The following C2CD3 variants were observed in gnomAD, a reference collection of about 807,000 sequenced individuals.
C2CD3 encodes the protein C2 domain-containing protein 3.
Under a neutral mutation model 234.0 loss-of-function variants are expected in C2CD3, and 148 were observed. The observed-to-expected ratio is 0.63, with a 90% CI of 0.55 to 0.72. C2CD3 has a LOEUF of 0.72. Ranked by LOEUF, C2CD3 falls within the 30% of genes least tolerant of loss-of-function variation. C2CD3 has a pLI of 0.00. For missense variants in C2CD3, 2,577 were observed against 2,811.5 expected, an observed-to-expected ratio of 0.92 and a Z score of 1.89; for synonymous variants, 1,000 against 1,035.4, an observed-to-expected ratio of 0.97 and a Z score of 0.66.
At chr11:74,149,062 T>A (rs1351219119) in intron 3 of C2CD3, among the ~76,000 whole-genome samples, 1 of 152,308 alleles carries the variant, frequency 6.6e-6, no homozygotes, top group Non-Finnish European at 1.5e-5. Context: ...ATTCCTGTGG[T>A]ATTTACCTCT....
chr11:74,087,519 G>A (rs1250063439), intron 20 of C2CD3, among the ~76,000 whole-genome samples: 9 of 151,684 alleles, frequency 5.9e-5, no homozygotes, highest in African/African-American at 1.9e-4. Flanking sequence ...AGCTGAGATC[G>A]CACCAGTGCA....
intron 30 of C2CD3, 139 bp downstream of exon 30, chr11:74,037,339 A>G: frequency 1.7e-6 from 1 of 574,742 alleles, no homozygotes. Flanking sequence ...AGATGGTTAA[A>G]AAAAAAAAAA....
rs866242122 is a variant in C2CD3 at position 74,033,727 on chromosome 11, C to T, written c.6433G>A (p.Gly2145Ser). The T allele has an allele frequency of 2.6e-6, 4 of 1,536,248 alleles. No individual in the cohort carries two copies. In the African/African-American group the frequency reaches 5.5e-5, roughly 21 times the overall value. The change falls in exon 31 of 33, where the codon GGT becomes AGT. Residue 2145 changes from glycine to serine, a missense_variant. Coordinates refer to ENST00000334126, the MANE Select transcript of C2CD3 (RefSeq NM_001286577.2). ...RAVNPHLPRQ[G>S]SPSQSLVACE... Reference sequence around the variant, plus strand: ...GCAACAAGACTTTGGCTAGGAGAACCCTGCCTAGGCAGGTGGGGGTTGACA... The same window carrying T: ...GCAACAAGACTTTGGCTAGGAGAACTCTGCCTAGGCAGGTGGGGGTTGACA...
intron 23 of C2CD3, among the ~76,000 whole-genome samples, chr11:74,076,549 T>C (rs181428349): frequency 6.6e-6 from 1 of 152,320 alleles, no homozygotes; most frequent in East Asian, 1.9e-4. Context: ...ATTGTGCTAG[T>C]TTTCCATAAT....
intron 18 of C2CD3, among the ~76,000 whole-genome samples, chr11:74,093,581 C>T (rs182873459): frequency 1.3e-5 from 2 of 152,112 alleles, no homozygotes; most frequent in African/African-American, 4.8e-5. Flanking sequence ...ATAAAACTTT[C>T]ACTTTCAATG....
At chr11:74,053,745 A>G (rs1280990660) in intron 26 of C2CD3, among the ~76,000 whole-genome samples, 1 of 152,360 alleles carries the variant, frequency 6.6e-6, no homozygotes, top group East Asian at 1.9e-4. Context: ...GACAGATACA[A>G]CAGGAAAGAC....
In C2CD3 at chr11:74,114,395, T is replaced by C; in HGVS notation, c.1719A>G (p.Thr573=). Residue 573 remains threonine (T), a synonymous_variant, in exon 10 of 33, where the codon ACA becomes ACG. Coordinates refer to ENST00000334126, the MANE Select transcript of C2CD3 (RefSeq NM_001286577.2). ...SYAGPPPKVT[T]AKKRTFFVEY... is the part of the protein sequence containing the mutation. ...TGTTAGAGACATACCGCTTTTTTGCTGTAGTCACCTTAGGTGGTGGACCAG... is the reference window on the plus strand; with the variant it reads ...TGTTAGAGACATACCGCTTTTTTGCCGTAGTCACCTTAGGTGGTGGACCAG... The C allele has an allele frequency of 6.2e-7, 1 of 1,613,510 alleles. No homozygotes were observed. Among genetic ancestry groups the C allele is most frequent in the Non-Finnish European group, 8.5e-7 (1 of 1,179,564 alleles).
chr11:74,097,421 T>C (rs1319992815), intron 16 of C2CD3, among the ~76,000 whole-genome samples: 2 of 152,210 alleles, frequency 1.3e-5, no homozygotes, highest in Non-Finnish European at 2.9e-5. Flanking sequence ...AAGACCTGTG[T>C]CTGAATCCCA....
At chr11:74,109,347 A>G (rs1396443258) in intron 11 of C2CD3, 195 bp from the exon 12 acceptor site, 2 of 500,340 alleles carry the variant, frequency 4.0e-6, no homozygotes, top group Non-Finnish European at 7.0e-6. Context: ...CTCTGGAGAT[A>G]GTACACAGAA....
intron 22 of C2CD3, 64 bp from the exon 23 acceptor site, chr11:74,078,781 ACT>A: frequency 7.0e-7 from 1 of 1,422,938 alleles, no homozygotes; most frequent in Non-Finnish European, 9.4e-7. Flanking sequence ...CAAGTTACTT[ACT>A]CTCCACCCCA....
rs1956168982 is a variant in C2CD3 at position 74,097,910 on chromosome 11, GC to G, written c.2979+98del. 36 of 1,191,806 alleles carry G rather than the reference GC, an allele frequency of 3.0e-5. 1 individual carries two copies. The South Asian group carries it at 5.1e-4, about 17-fold the overall frequency. 73.8% of individuals were successfully genotyped at this position (1,191,806 alleles called of 1,614,324 possible). On this transcript the variant is annotated intron_variant, in intron 16 of 32. Transcript: ENST00000334126. ...AGTGCACATTATGTTCTTTTGTTGAGCCTTTCATTACAGAAATAAAGGATTT... is the reference window on the plus strand; with the variant it reads ...AGTGCACATTATGTTCTTTTGTTGAGCTTTCATTACAGAAATAAAGGATTT...
At chr11:74,099,986 G>A (rs971175725) in intron 15 of C2CD3, among the ~76,000 whole-genome samples, 4 of 152,144 alleles carry the variant, frequency 2.6e-5, no homozygotes, top group African/African-American at 9.7e-5. Flanking sequence ...CCACCTACGT[G>A]TTAAAAGTGA....
intron 3 of C2CD3, among the ~76,000 whole-genome samples, chr11:74,152,079 C>T (rs1485127298): frequency 6.6e-6 from 1 of 152,090 alleles, no homozygotes; most frequent in African/African-American, 2.4e-5. Flanking sequence ...AAATGTCAAG[C>T]AGTCTAAGAT....
In C2CD3 at chr11:74,106,392, C is replaced by T; in HGVS notation, c.2064G>A (p.Gln688=). The T allele has an allele frequency of 1.9e-6, 3 of 1,614,052 alleles. No individual in the cohort carries two copies. In the South Asian group the frequency reaches 3.3e-5, roughly 18 times the overall value. ...ATACCTTGAGGGGGCCAAATGGAGA[C>T]TGACCATTTTCTTGTTGCACTGGAA... ...DQLPVQQENG[Q]SPFGPLKVTM... is the part of the protein sequence containing the mutation. The change falls in exon 13 of 33, where the codon CAG becomes CAA. Residue 688 remains glutamine, a synonymous_variant. Transcript: ENST00000334126.
At chr11:74,061,263 G>A (rs1954227045) in intron 24 of C2CD3, among the ~76,000 whole-genome samples, 1 of 152,124 alleles carries the variant, frequency 6.6e-6, no homozygotes, top group Admixed American at 6.5e-5. Context: ...TCAAATTCAG[G>A]AAATACAGAG....
chr11:74,065,526 C>T (rs1056492000), intron 24 of C2CD3, among the ~76,000 whole-genome samples: 3 of 152,252 alleles, frequency 2.0e-5, no homozygotes, highest in Admixed American at 1.3e-4. Flanking sequence ...GGATCTAGAA[C>T]TAGAAATACC....
chr11:74,063,854 T>C (rs1224931004), intron 24 of C2CD3, among the ~76,000 whole-genome samples: 2 of 152,218 alleles, frequency 1.3e-5, no homozygotes, highest in Non-Finnish European at 2.9e-5. Context: ...GACATGATTG[T>C]ATATTTAGAA....
In C2CD3 at chr11:74,092,568, C is replaced by G. The variant is rs767204368; in HGVS notation, c.3365G>C (p.Arg1122Thr). The G allele has an allele frequency of 3.7e-6, 6 of 1,613,528 alleles. No homozygotes were observed. In the South Asian group the frequency reaches 5.5e-5, roughly 15 times the overall value. The change falls in exon 19 of 33, where the codon AGA becomes ACA. Residue 1122 changes from arginine to threonine, a missense_variant. Coordinates refer to ENST00000334126, the MANE Select transcript of C2CD3 (RefSeq NM_001286577.2). ...IWCRYYYPNVRDQKVAKGTLP... is the reference protein window; with the variant it reads ...IWCRYYYPNVTDQKVAKGTLP... ...GGTTCCTTTGGCGACCTTCTGGTCT[C>G]TCACATTAGGATAATAGTATCTGTA...
intron 28 of C2CD3, among the ~76,000 whole-genome samples, chr11:74,042,500 C>T (rs1239258658): frequency 6.6e-6 from 1 of 152,086 alleles, no homozygotes; most frequent in Non-Finnish European, 1.5e-5. Context: ...CGCCTGTAAT[C>T]CCAGCACTTT....
Sources: allele counts gnomAD v4.1 joint callset (sites outside exome capture counted in the v4.1 genomes callset), GRCh38; gene constraint gnomAD v4.1.1; transcripts MANE v1.5; gene names NCBI Gene and HGNC (gene_info 2026-07-23, HGNC 2026-07-21).